FGF14: variants seen among roughly 807,000 people sequenced by gnomAD.
The protein encoded by FGF14 is fibroblast growth factor 14.
A neutral mutation model predicts 25.5 loss-of-function variants in FGF14; 5 were observed. That is an observed-to-expected ratio of 0.20 (90% CI 0.10 to 0.41). FGF14 has a LOEUF of 0.41. Among genes scored for constraint, FGF14 ranks in the 10% least tolerant of loss-of-function variants. FGF14 has a pLI of 1.00. For missense variants in FGF14, 222 were observed against 320.1 expected (o/e 0.69, Z 2.34); for synonymous variants, 138 against 118.3 (o/e 1.17, Z -1.08).
At chr13:102,059,409 C>G (rs2042576359) in intron 1 of FGF14, among the ~76,000 whole-genome samples, 1 of 152,226 alleles carries the variant, frequency 6.6e-6, no homozygotes, top group African/African-American at 2.4e-5. Flanking sequence ...AAGGAAAACA[C>G]TGTGGCTCAC....
At chr13:101,835,259 G>T (rs780568056) in intron 3 of FGF14, among the ~76,000 whole-genome samples, 1 of 151,990 alleles carries the variant, frequency 6.6e-6, no homozygotes, top group African/African-American at 2.4e-5. Flanking sequence ...CTGAAATAGA[G>T]AGAGAGAGAG....
chr13:102,160,482 C>T (rs1193226113), intron 1 of FGF14, among the ~76,000 whole-genome samples: 1 of 152,124 alleles, frequency 6.6e-6, no homozygotes, highest in East Asian at 1.9e-4. Context: ...CTCTCTGCCC[C>T]GACCCTTCGT....
chr13:102,340,106 T>A (rs1326967073), intron 1 of FGF14, among the ~76,000 whole-genome samples: 1 of 152,208 alleles, frequency 6.6e-6, no homozygotes, highest in Non-Finnish European at 1.5e-5. Context: ...GTAATTAGTA[T>A]CTTCAGATTC....
intron 1 of FGF14, among the ~76,000 whole-genome samples, chr13:102,079,460 C>A (rs1010867393): frequency 6.6e-6 from 1 of 151,898 alleles, no homozygotes; most frequent in African/African-American, 2.4e-5. Context: ...ATTTATTTAT[C>A]TTTAGAGATA....
At chr13:102,376,864 C>T (rs1314167753) in intron 1 of FGF14, among the ~76,000 whole-genome samples, 1 of 152,088 alleles carries the variant, frequency 6.6e-6, no homozygotes, top group Non-Finnish European at 1.5e-5. Flanking sequence ...CAATGATATT[C>T]CCAAGAAAGG....
rs115414891 is a variant in FGF14 at position 102,299,367 on chromosome 13, T to C, written c.208+102104A>G. On this transcript the variant is annotated intron_variant, in intron 1 of 4. Coordinates refer to the FGF14 transcript ENST00000376131. ...AATGGATGCAACCAAACCTTAAGAA[T>C]ATAAAGCAGTGCAAACAATCCAAAA... 3.6e-3 allele frequency among the ~76,000 whole-genome samples: 550 copies of C among 152,236 alleles called. 1 individual carries two copies. The highest frequency in any genetic ancestry group is 0.013 in the African/African-American group (523 of 41,538).
At chr13:102,184,582 T>C (rs1202347127) in intron 1 of FGF14, among the ~76,000 whole-genome samples, 1 of 152,164 alleles carries the variant, frequency 6.6e-6, no homozygotes, top group East Asian at 1.9e-4. Flanking sequence ...AAAAGAAGAA[T>C]AGAAATGACT....
intron 1 of FGF14, among the ~76,000 whole-genome samples, chr13:102,271,575 C>A (rs922429135): frequency 6.6e-6 from 1 of 152,134 alleles, no homozygotes; most frequent in Non-Finnish European, 1.5e-5. Flanking sequence ...TTTGAGTACT[C>A]GTTCCATCTA....
chr13:102,078,069 T>C (rs958908108), intron 1 of FGF14, among the ~76,000 whole-genome samples: 9 of 152,088 alleles, frequency 5.9e-5, no homozygotes, highest in Non-Finnish European at 1.2e-4. Flanking sequence ...CTCATTCCTA[T>C]GGGGAATCTT....
intron 3 of FGF14, among the ~76,000 whole-genome samples, chr13:101,759,765 T>G (rs1288744173): frequency 6.6e-6 from 1 of 152,152 alleles, no homozygotes; most frequent in East Asian, 1.9e-4. Flanking sequence ...CTGTCCTATT[T>G]AGCCTTATAA....
chr13:102,047,313 TTAAGAATAA>T (rs1010071443), intron 1 of FGF14, among the ~76,000 whole-genome samples: 17 of 152,088 alleles, frequency 1.1e-4, no homozygotes, highest in African/African-American at 4.1e-4. Context: ...AAATTTTGGT[TTAAGAATAA>T]TAAGAATAAT....
intron 1 of FGF14, among the ~76,000 whole-genome samples, chr13:102,213,663 G>A (rs1402039813): frequency 6.6e-6 from 1 of 152,182 alleles, no homozygotes; most frequent in Admixed American, 6.5e-5. Context: ...ACTGATGAGT[G>A]AGGAGAAATA....
intron 3 of FGF14, among the ~76,000 whole-genome samples, chr13:101,820,158 A>AT (rs1249415435): frequency 6.6e-6 from 1 of 152,214 alleles, no homozygotes; most frequent in Non-Finnish European, 1.5e-5. Flanking sequence ...TGGCAGCAAT[A>AT]TATCAATGAA....
At chr13:101,817,013 G>C (rs2041877498) in intron 3 of FGF14, among the ~76,000 whole-genome samples, 1 of 152,122 alleles carries the variant, frequency 6.6e-6, no homozygotes. Flanking sequence ...TCTTTCAAAA[G>C]AAACTTTTCA....
At chr13:101,974,637 T>A (rs552155870) in intron 1 of FGF14, among the ~76,000 whole-genome samples, 4 of 152,212 alleles carry the variant, frequency 2.6e-5, no homozygotes, top group Admixed American at 2.6e-4. Flanking sequence ...GAATGATCCC[T>A]CTTGAAGTAA....
chr13:102,145,922 T>C (rs917601418), intron 1 of FGF14, among the ~76,000 whole-genome samples: 15 of 152,200 alleles, frequency 9.9e-5, no homozygotes, highest in Admixed American at 8.5e-4. Context: ...AAATCATTCC[T>C]ATTTATTTTT....
chr13:101,931,422 GCT>G (rs1171625313), intron 1 of FGF14, among the ~76,000 whole-genome samples: 2 of 152,056 alleles, frequency 1.3e-5, no homozygotes, highest in Non-Finnish European at 2.9e-5. Flanking sequence ...ACATTTTGAT[GCT>G]CTCTTTAGTC....
chr13:102,190,850 T>A (rs568177190), intron 1 of FGF14, among the ~76,000 whole-genome samples: 22 of 152,120 alleles, frequency 1.4e-4, no homozygotes, highest in Non-Finnish European at 2.8e-4. Flanking sequence ...AAAAAACAGC[T>A]GAATCTCAAT....
At chr13:101,784,222 C>T (rs2039680394) in intron 3 of FGF14, among the ~76,000 whole-genome samples, 1 of 152,186 alleles carries the variant, frequency 6.6e-6, no homozygotes, top group Non-Finnish European at 1.5e-5. Flanking sequence ...GTTTGAACAT[C>T]ATAGCTTAGA....
Sources: allele counts gnomAD v4.1 joint callset (sites outside exome capture counted in the v4.1 genomes callset), GRCh38; gene constraint gnomAD v4.1.1; transcripts MANE v1.5; gene names NCBI Gene and HGNC (gene_info 2026-07-23, HGNC 2026-07-21).